MGMT: variants seen among roughly 807,000 people sequenced by gnomAD.
MGMT encodes the protein methylated-DNA--protein-cysteine methyltransferase.
MGMT carries 14 observed loss-of-function variants against 15.9 expected under a neutral mutation model. The ratio of observed to expected loss-of-function variants is 0.88; its 90% confidence interval spans 0.58 to 1.37. The LOEUF is 1.37. Among genes scored for constraint, MGMT ranks in the 40% most tolerant of loss-of-function variants. MGMT has a pLI of 0.00. For synonymous variants in MGMT, 130 were observed against 118.2 expected, an observed-to-expected ratio of 1.10 and a Z score of -0.65; for missense variants, 282 against 268.1, an observed-to-expected ratio of 1.05 and a Z score of -0.36.
In MGMT at chr10:129,751,370, T is replaced by G. The variant is rs181821223; in HGVS notation, c.275-7832T>G. Among the ~76,000 whole-genome samples, 445 of 152,124 alleles carry G rather than the reference T, an allele frequency of 2.9e-3. 2 individuals are homozygous for G. Among genetic ancestry groups the G allele is most frequent in the Non-Finnish European group, 4.9e-3 (332 of 67,878 alleles). ...AATATCTGTGGGATCTGTGGCAATATCTTCTCTTTTATTCCTGATATTGAT... is the reference window on the plus strand; with the variant it reads ...AATATCTGTGGGATCTGTGGCAATAGCTTCTCTTTTATTCCTGATATTGAT... On this transcript the variant is annotated intron_variant, in intron 3 of 4. Coordinates refer to ENST00000651593, the MANE Select transcript of MGMT (RefSeq NM_002412.5).
intron 2 of MGMT, among the ~76,000 whole-genome samples, chr10:129,626,636 C>T (rs1847152993): frequency 6.6e-6 from 1 of 152,146 alleles, no homozygotes; most frequent in African/African-American, 2.4e-5. Flanking sequence ...ATGCCCAGGG[C>T]CGTGCTCTCC....
intron 2 of MGMT, among the ~76,000 whole-genome samples, chr10:129,692,466 G>A (rs1847980517): frequency 6.6e-6 from 1 of 152,156 alleles, no homozygotes; most frequent in Non-Finnish European, 1.5e-5. Context: ...TAAACAAATG[G>A]GCGTGGCTGT....
intron 2 of MGMT, among the ~76,000 whole-genome samples, chr10:129,649,067 C>T (rs1380198182): frequency 1.3e-5 from 2 of 152,146 alleles, no homozygotes; most frequent in East Asian, 3.9e-4. Flanking sequence ...AAACCCTTTT[C>T]CATGTCTGCC....
intron 3 of MGMT, among the ~76,000 whole-genome samples, chr10:129,734,955 CG>C (rs1329993267): frequency 6.6e-6 from 1 of 152,016 alleles, no homozygotes; most frequent in East Asian, 1.9e-4. Context: ...CTGCTGGATT[CG>C]GTTTGCCAGT....
At chr10:129,644,658 C>T (rs533924993) in intron 2 of MGMT, among the ~76,000 whole-genome samples, 62 of 152,300 alleles carry the variant, frequency 4.1e-4, no homozygotes, top group African/African-American at 1.2e-3. Flanking sequence ...TCATCCTTAA[C>T]TCTTTATCAG....
chr10:129,470,088 G>A (rs1431593814), intron 1 of MGMT, among the ~76,000 whole-genome samples: 1 of 152,208 alleles, frequency 6.6e-6, no homozygotes, highest in Non-Finnish European at 1.5e-5. Context: ...TGACTGTGGG[G>A]TGAGAGTGGT....
chr10:129,491,336 T>C (rs190974344), intron 1 of MGMT, among the ~76,000 whole-genome samples: 93 of 152,328 alleles, frequency 6.1e-4, no homozygotes, highest in African/African-American at 2.2e-3. Flanking sequence ...TGTTGCACTT[T>C]TGAAGATAAT....
intron 2 of MGMT, among the ~76,000 whole-genome samples, chr10:129,578,353 A>G (rs929913222): frequency 6.6e-6 from 1 of 152,256 alleles, no homozygotes; most frequent in Non-Finnish European, 1.5e-5. Flanking sequence ...CTATGCAGCC[A>G]TAAAAAATGA....
At chr10:129,688,369 T>TA (rs1338749444) in intron 2 of MGMT, among the ~76,000 whole-genome samples, 1 of 152,250 alleles carries the variant, frequency 6.6e-6, no homozygotes, top group East Asian at 1.9e-4. Flanking sequence ...CCTGGCTTTT[T>TA]AATGATCGCC....
At chr10:129,643,483 G>A (rs915726172) in intron 2 of MGMT, among the ~76,000 whole-genome samples, 1 of 152,176 alleles carries the variant, frequency 6.6e-6, no homozygotes, top group African/African-American at 2.4e-5. Context: ...GGGCACAGAG[G>A]CTTGCTCAGA....
chr10:129,497,544 A>G (rs1845534782), intron 1 of MGMT, among the ~76,000 whole-genome samples: 1 of 152,240 alleles, frequency 6.6e-6, no homozygotes, highest in African/African-American at 2.4e-5. Context: ...TTCTGTATGC[A>G]GCCACCATCT....
rs375133933 is a variant in MGMT at position 129,536,303 on chromosome 10, G to C, written c.51G>C (p.Gly17=). 5.0e-6 allele frequency: 8 copies of C among 1,614,158 alleles called. No homozygotes were observed. In the East Asian group the frequency reaches 1.8e-4, roughly 36 times the overall value. Residue 17 remains glycine, a synonymous_variant, in exon 2 of 5, where the codon GGG becomes GGC. Transcript: ENST00000651593. ...GCACCACACTGGACAGCCCTTTGGG[G>C]AAGCTGGAGCTGTCTGGTTGTGAGC... ...MKRTTLDSPL[G]KLELSGCEQG... is the part of the protein sequence containing the mutation.
At chr10:129,653,854 G>A (rs1847492586) in intron 2 of MGMT, among the ~76,000 whole-genome samples, 2 of 152,202 alleles carry the variant, frequency 1.3e-5, no homozygotes, top group Admixed American at 6.5e-5. Context: ...AGTGTCAGGT[G>A]GGCTAGGGGC....
chr10:129,691,899 G>T (rs532387446), intron 2 of MGMT, among the ~76,000 whole-genome samples: 36 of 152,312 alleles, frequency 2.4e-4, no homozygotes, highest in African/African-American at 8.7e-4. Flanking sequence ...AAGCTCTAGA[G>T]TTTGGTGCCT....
intron 2 of MGMT, among the ~76,000 whole-genome samples, chr10:129,592,128 A>T (rs1846694481): frequency 6.6e-6 from 1 of 152,136 alleles, no homozygotes; most frequent in African/African-American, 2.4e-5. Context: ...GGGTGACGGG[A>T]GTGGCCACTT....
chr10:129,523,814 C>T (rs967789710), intron 1 of MGMT, among the ~76,000 whole-genome samples: 1 of 152,158 alleles, frequency 6.6e-6, no homozygotes, highest in Non-Finnish European at 1.5e-5. Flanking sequence ...CAGGCGGGAC[C>T]CTGGCTGGAC....
chr10:129,496,048 A>T (rs996687412), intron 1 of MGMT, among the ~76,000 whole-genome samples: 2 of 152,224 alleles, frequency 1.3e-5, no homozygotes, highest in South Asian at 4.1e-4. Context: ...TTTGGAGAGC[A>T]CAGAGCAATG....
chr10:129,693,417 G>T (rs1244854994), intron 2 of MGMT, among the ~76,000 whole-genome samples: 1 of 152,096 alleles, frequency 6.6e-6, no homozygotes, highest in African/African-American at 2.4e-5. Context: ...CCTTTCAAAA[G>T]ATCCCCAAGT....
At chr10:129,678,692 A>G (rs1847813513) in intron 2 of MGMT, among the ~76,000 whole-genome samples, 1 of 152,104 alleles carries the variant, frequency 6.6e-6, no homozygotes, top group Non-Finnish European at 1.5e-5. Context: ...TCCACTCCCT[A>G]ATGTTTTAAT....
Sources: allele counts gnomAD v4.1 joint callset (sites outside exome capture counted in the v4.1 genomes callset), GRCh38; gene constraint gnomAD v4.1.1; transcripts MANE v1.5; gene names NCBI Gene and HGNC (gene_info 2026-07-23, HGNC 2026-07-21).